Variants in SLC35D1 observed in about 807,000 individuals in gnomAD.
SLC35D1 encodes nucleotide sugar transporter SLC35D1.
In SLC35D1, 31 loss-of-function variants were observed where a neutral mutation model predicts 46.7. The ratio of observed to expected loss-of-function variants is 0.66; its 90% CI spans 0.50 to 0.90. SLC35D1 has a LOEUF of 0.90. Ranked by LOEUF, SLC35D1 falls within the 40% of genes least tolerant of loss-of-function variation. The pLI is 0.00. For missense variants in SLC35D1, 397 were observed against 426.2 expected, an observed-to-expected ratio of 0.93 and a Z score of 0.60; for synonymous variants, 195 against 164.6, an observed-to-expected ratio of 1.18 and a Z score of -1.41.
At chr1:66,984,332 C>T in the SLC35D1 span, among the ~76,000 whole-genome samples, 1 of 152,124 alleles carries the variant, frequency 6.6e-6, no homozygotes, top group Non-Finnish European at 1.5e-5. Context: ...TTAATTTTCA[C>T]AACAACCCTG....
the SLC35D1 span, among the ~76,000 whole-genome samples, chr1:66,978,402 A>G: frequency 6.6e-6 from 1 of 152,188 alleles, no homozygotes; most frequent in African/African-American, 2.4e-5. Flanking sequence ...TCATGGGACA[A>G]TGGAGTGTGT....
At chr1:67,016,791 G>C (rs916838777) in intron 10 of SLC35D1, among the ~76,000 whole-genome samples, 1 of 152,036 alleles carries the variant, frequency 6.6e-6, no homozygotes, top group Non-Finnish European at 1.5e-5. Context: ...ATAGGACACA[G>C]AGACACTGGT....
the SLC35D1 span, chr1:66,986,207 A>G: frequency 1.7e-5 from 21 of 1,253,136 alleles, no homozygotes; most frequent in Non-Finnish European, 2.1e-5. Flanking sequence ...TGCTTTTCCA[A>G]AGTGAAAATA....
chr1:67,006,372 C>T (rs988491499), intron 11 of SLC35D1, among the ~76,000 whole-genome samples: 2 of 152,176 alleles, frequency 1.3e-5, no homozygotes, highest in African/African-American at 4.8e-5. Context: ...TTAAGGTTCA[C>T]ATGTACGTCC....
chr1:67,020,881 G>A (rs1309957441), intron 9 of SLC35D1, among the ~76,000 whole-genome samples: 1 of 152,168 alleles, frequency 6.6e-6, no homozygotes, highest in South Asian at 2.1e-4. Context: ...ACTACTTTAA[G>A]AGGGGATACA....
intron 7 of SLC35D1, among the ~76,000 whole-genome samples, chr1:67,044,340 A>T (rs912925672): frequency 6.6e-6 from 1 of 152,108 alleles, no homozygotes; most frequent in Non-Finnish European, 1.5e-5. Flanking sequence ...CTGAAAAAAA[A>T]AAAAAAAACC....
chr1:67,012,223 C>T (rs142814663), intron 10 of SLC35D1, among the ~76,000 whole-genome samples: 27 of 152,280 alleles, frequency 1.8e-4, no homozygotes, highest in Non-Finnish European at 2.4e-4. Flanking sequence ...AAGTCCAGTC[C>T]CATGAGGGCC....
rs557935512 is a variant in SLC35D1, at chr1:67,053,966, G to T, written c.48C>A (p.Ala16=). ...CTCGGAGTGTGGAGGATTTCGCGGG[G>T]GCTTCTCCTTTAACCCGAGCATGCT... is the stretch of plus-strand genomic sequence containing the variant. The part of the protein sequence containing the change: ...RRQHARVKGE[A]PAKSSTLRDE... The change falls in exon 1 of 12, where the codon GCC becomes GCA. Residue 16 remains alanine, a synonymous_variant. Transcript: ENST00000235345. 6.2e-7 allele frequency: 1 copy of T among 1,613,554 alleles called. No homozygotes were observed. The highest frequency in any genetic ancestry group is 1.3e-5 in the African/African-American group (1 of 75,024).
At position 67,007,669 on chromosome 1, in the gene SLC35D1, G is replaced by A. The variant is rs188574134; in HGVS notation, c.959+1416C>T. Among the ~76,000 whole-genome samples, 115 of 152,254 alleles carry A rather than the reference G, an allele frequency of 7.6e-4. 1 individual carries two copies. Among genetic ancestry groups the A allele is most frequent in the Middle Eastern group, 3.4e-3 (1 of 294 alleles). Reference sequence around the variant, plus strand: ...CATCAACGAGCATACTATGTGTTACGCAGTGATGAGTAAACGCTTTGGAAA... The same window carrying A: ...CATCAACGAGCATACTATGTGTTACACAGTGATGAGTAAACGCTTTGGAAA... On this transcript the variant is annotated intron_variant, in intron 11 of 11. Transcript: ENST00000235345.
chr1:67,029,300 C>T (rs1020382160), intron 8 of SLC35D1, among the ~76,000 whole-genome samples: 5 of 152,212 alleles, frequency 3.3e-5, no homozygotes, highest in African/African-American at 1.2e-4. Context: ...TGATTTATCT[C>T]TGTATCCATG....
chr1:67,034,998 T>G (rs1668093189), intron 8 of SLC35D1, among the ~76,000 whole-genome samples: 1 of 152,206 alleles, frequency 6.6e-6, no homozygotes. Flanking sequence ...GAACCATCCT[T>G]GCATCCCTAG....
At chr1:67,024,098 C>T (rs1667868622) in intron 8 of SLC35D1, among the ~76,000 whole-genome samples, 1 of 151,888 alleles carries the variant, frequency 6.6e-6, no homozygotes, top group Non-Finnish European at 1.5e-5. Context: ...GTGCATGCCA[C>T]CACACCCAGC....
the SLC35D1 span, among the ~76,000 whole-genome samples, chr1:66,975,401 A>T: frequency 1.3e-5 from 2 of 151,806 alleles, no homozygotes; most frequent in Non-Finnish European, 2.9e-5. Context: ...GTGGCATGCA[A>T]TTGTGGTCCC....
At chr1:66,977,800 A>T in the SLC35D1 span, among the ~76,000 whole-genome samples, 1 of 152,184 alleles carries the variant, frequency 6.6e-6, no homozygotes, top group South Asian at 2.1e-4. Context: ...ATGTTTACAG[A>T]ATAAAAAAAT....
At chr1:67,009,266 C>T in intron 10 of SLC35D1, 99 bp from the exon 11 acceptor site, 1 of 454,936 alleles carries the variant, frequency 2.2e-6, no homozygotes, top group East Asian at 3.9e-5. Context: ...AATACAAAAA[C>T]AAATAAACAA....
the SLC35D1 span, among the ~76,000 whole-genome samples, chr1:66,992,854 T>C: frequency 6.6e-6 from 1 of 152,226 alleles, no homozygotes; most frequent in Non-Finnish European, 1.5e-5. Flanking sequence ...ATTAGGCAGA[T>C]AAAACAAGTC....
chr1:67,022,178 G>C (rs1213068974), intron 8 of SLC35D1, among the ~76,000 whole-genome samples: 3 of 152,170 alleles, frequency 2.0e-5, no homozygotes, highest in Non-Finnish European at 4.4e-5. Flanking sequence ...AAGGAATAAA[G>C]AGAAATGAAA....
chr1:66,995,372 T>C (rs1339267586), downstream of SLC35D1, among the ~76,000 whole-genome samples: 2 of 132,528 alleles, frequency 1.5e-5, no homozygotes, highest in African/African-American at 5.7e-5. Flanking sequence ...ACAATCCAAA[T>C]ACTGCAGCTG....
chr1:66,998,781 A>C (rs998523779), downstream of SLC35D1, among the ~76,000 whole-genome samples: 4 of 152,218 alleles, frequency 2.6e-5, no homozygotes, highest in African/African-American at 9.7e-5. Context: ...TAAAATACCT[A>C]GTGTAGTCAA....
Sources: gnomAD v4.1 joint callset for allele counts (sites outside exome capture counted in the v4.1 genomes callset) on GRCh38, gnomAD v4.1.1 for gene constraint, MANE v1.5 for transcripts, NCBI Gene and HGNC (gene_info 2026-07-23, HGNC 2026-07-21) for gene names.